Variants in LYZL4 observed in about 807,000 individuals in gnomAD.
LYZL4 encodes the protein lysozyme-like protein 4.
LYZL4 carries 13 observed loss-of-function variants against 17.6 expected under a neutral mutation model. That is an observed-to-expected ratio of 0.74 (90% CI 0.48 to 1.18). The LOEUF (loss-of-function observed/expected upper bound fraction) is 1.18. LYZL4 is among the 50% of genes most tolerant of loss of function. The probability of loss-of-function intolerance (pLI) is 0.00; values close to 1 mark genes in which losing one functional copy is unlikely to be tolerated. For missense variants in LYZL4, 174 were observed against 188.2 expected (o/e 0.92, Z 0.44); for synonymous variants, 64 against 67.7 (o/e 0.95, Z 0.27).
intron 4 of LYZL4, among the ~76,000 whole-genome samples, chr3:42,398,232 C>T (rs183753301): frequency 2.3e-4 from 35 of 152,318 alleles, no homozygotes; most frequent in Non-Finnish European, 3.8e-4. Context: ...TTCCTGTCTG[C>T]CCCAACCCTG....
the LYZL4 span, among the ~76,000 whole-genome samples, chr3:42,383,064 A>G: frequency 1.3e-3 from 191 of 152,000 alleles, 3 homozygotes; most frequent in East Asian, 0.029. Context: ...GTCCCCCACT[A>G]CTCTAGCAGA....
intron 3 of LYZL4, among the ~76,000 whole-genome samples, chr3:42,406,453 CAA>C (rs565639489): frequency 1.2e-5 from 1 of 84,172 alleles, no homozygotes; most frequent in African/African-American, 4.2e-5. Flanking sequence ...GACTCCGTCT[CAA>C]AAAAAAAAAA....
chr3:42,391,404 T>A, the LYZL4 span, among the ~76,000 whole-genome samples: 1 of 151,848 alleles, frequency 6.6e-6, no homozygotes, highest in African/African-American at 2.4e-5. Context: ...GGGACACCAA[T>A]AAAGGAGCTC....
chr3:42,382,336 G>A, the LYZL4 span, among the ~76,000 whole-genome samples: 7 of 152,150 alleles, frequency 4.6e-5, no homozygotes, highest in Non-Finnish European at 1.0e-4. Flanking sequence ...GTGTGTGTGC[G>A]TGTAGTCTTG....
At chr3:42,401,403 A>G (rs1333957908) in intron 4 of LYZL4, among the ~76,000 whole-genome samples, 5 of 151,690 alleles carry the variant, frequency 3.3e-5, no homozygotes, top group Admixed American at 6.6e-5. Context: ...TTTAGTAGAG[A>G]TGGGGTTTCG....
chr3:42,389,313 G>A, the LYZL4 span, among the ~76,000 whole-genome samples: 1 of 152,188 alleles, frequency 6.6e-6, no homozygotes, highest in African/African-American at 2.4e-5. Flanking sequence ...AGTAGGCCAT[G>A]GCTTCCCTGC....
At chr3:42,395,691 T>C (rs530168726), downstream of LYZL4, among the ~76,000 whole-genome samples, 42 of 152,292 alleles carry the variant, frequency 2.8e-4, 1 homozygote, top group African/African-American at 1.0e-3. Context: ...GGGGTAATTT[T>C]TAAAATGTGA....
the LYZL4 span, among the ~76,000 whole-genome samples, chr3:42,386,178 C>T: frequency 3.3e-5 from 5 of 152,106 alleles, no homozygotes; most frequent in African/African-American, 1.2e-4. Context: ...TCTTGGCTCA[C>T]TGCAACTTCC....
At chr3:42,362,195 T>C in the LYZL4 span, among the ~76,000 whole-genome samples, 1 of 152,220 alleles carries the variant, frequency 6.6e-6, no homozygotes, top group Admixed American at 6.5e-5. Flanking sequence ...CAAGTCCTTA[T>C]TCTGAAAATT....
At chr3:42,375,349 T>C in the LYZL4 span, among the ~76,000 whole-genome samples, 19 of 152,338 alleles carry the variant, frequency 1.2e-4, no homozygotes, top group South Asian at 3.9e-3. Context: ...CTGCTTTCCT[T>C]ATTTGGAAAA....
the LYZL4 span, among the ~76,000 whole-genome samples, chr3:42,381,517 G>A: frequency 6.6e-6 from 1 of 152,058 alleles, no homozygotes. Flanking sequence ...TCCTGAACTC[G>A]GAAAAAAGCT....
chr3:42,363,658 A>G, the LYZL4 span, among the ~76,000 whole-genome samples: 1 of 152,236 alleles, frequency 6.6e-6, no homozygotes, highest in Non-Finnish European at 1.5e-5. Flanking sequence ...GAGGAACCAG[A>G]TAGCCCAAGT....
At chr3:42,385,298 T>C in the LYZL4 span, among the ~76,000 whole-genome samples, 3 of 152,254 alleles carry the variant, frequency 2.0e-5, no homozygotes, top group Admixed American at 2.0e-4. Context: ...TCCCATAAGA[T>C]TACAATACCA....
chr3:42,376,065 G>T, the LYZL4 span, among the ~76,000 whole-genome samples: 2 of 152,086 alleles, frequency 1.3e-5, no homozygotes, highest in African/African-American at 2.4e-5. Flanking sequence ...TCAAAACCAA[G>T]ATTCTACCCA....
In LYZL4 at chr3:42,407,357, G is replaced by T. The variant is rs62247333; in HGVS notation, c.-92-14C>A. 6.8e-7 allele frequency: 1 copy of T among 1,477,390 alleles called. No individual in the cohort carries two copies. Among genetic ancestry groups the T allele is most frequent in the Non-Finnish European group, 9.2e-7 (1 of 1,081,582 alleles). The allele number at this position is 1,477,390 out of a possible 1,614,324, so 91.5% of individuals were successfully genotyped here. A position where few individuals can be genotyped will look rare whatever the true frequency, so the allele number is the denominator to read the frequency against. ...GAAAGAAGGGCACTGTGGGGGTGGG[G>T]GTGGAGCACAGTTCAGTGTCATCAG... On this transcript the variant is annotated splice_polypyrimidine_tract_variant and intron_variant, in intron 1 of 4. Coordinates refer to ENST00000287748, the MANE Select transcript of LYZL4 (RefSeq NM_144634.4).
At chr3:42,391,634 T>C in the LYZL4 span, among the ~76,000 whole-genome samples, 1 of 152,074 alleles carries the variant, frequency 6.6e-6, no homozygotes, top group Non-Finnish European at 1.5e-5. Flanking sequence ...GGGAAGGTAA[T>C]ACAGAGAAGA....
chr3:42,403,939 T>C, intron 4 of LYZL4, 107 bp downstream of exon 4: 1 of 721,542 alleles, frequency 1.4e-6, no homozygotes, highest in Non-Finnish European at 2.3e-6. Context: ...CAGAGCCTTT[T>C]AGTTTTGGCA....
At chr3:42,384,174 G>A in the LYZL4 span, among the ~76,000 whole-genome samples, 1 of 152,172 alleles carries the variant, frequency 6.6e-6, no homozygotes, top group Non-Finnish European at 1.5e-5. Context: ...TATTCTAGAG[G>A]AAAATTATTT....
the LYZL4 span, among the ~76,000 whole-genome samples, chr3:42,375,541 C>CA: frequency 7.2e-5 from 11 of 152,268 alleles, no homozygotes; most frequent in Non-Finnish European, 1.3e-4. Flanking sequence ...ATGAAATATG[C>CA]AACTTGTGTC....
Sources: gnomAD v4.1 joint callset for allele counts (sites outside exome capture counted in the v4.1 genomes callset) on GRCh38, gnomAD v4.1.1 for gene constraint, MANE v1.5 for transcripts, NCBI Gene and HGNC (gene_info 2026-07-23, HGNC 2026-07-21) for gene names.